Variants in SMURF2 observed in about 807,000 individuals in gnomAD.
SMURF2 encodes E3 ubiquitin-protein ligase SMURF2.
A neutral mutation model predicts 109.6 loss-of-function variants in SMURF2; 48 were observed. That is an observed-to-expected ratio of 0.44 (90% confidence interval 0.35 to 0.56). SMURF2 has a LOEUF of 0.56. SMURF2 is among the 20% of genes least tolerant of loss of function. The pLI is 0.01. For synonymous variants in SMURF2, 288 were observed against 317.1 expected, an observed-to-expected ratio of 0.91 and a Z score of 0.97; for missense variants, 575 against 909.0, an observed-to-expected ratio of 0.63 and a Z score of 4.72.
chr17:64,604,401 C>G (rs1203266509), intron 2 of SMURF2, among the ~76,000 whole-genome samples: 1 of 152,120 alleles, frequency 6.6e-6, no homozygotes, highest in East Asian at 1.9e-4. Flanking sequence ...CTTTCTTTCA[C>G]TTACAATTTA....
chr17:64,561,080 A>T (rs2144603519), intron 12 of SMURF2: 1 of 154,622 alleles, frequency 6.5e-6, no homozygotes, highest in South Asian at 2.0e-4. Flanking sequence ...GACCATCATG[A>T]TATGTACATG....
chr17:64,577,370 C>A (rs1231584128), intron 9 of SMURF2, among the ~76,000 whole-genome samples: 4 of 145,812 alleles, frequency 2.7e-5, no homozygotes, highest in East Asian at 2.0e-4. Flanking sequence ...CACTTGGACA[C>A]AAGAAGGGGA....
At chr17:64,563,733 G>A (rs1969259850) in intron 10 of SMURF2, among the ~76,000 whole-genome samples, 1 of 152,126 alleles carries the variant, frequency 6.6e-6, no homozygotes, top group East Asian at 1.9e-4. Flanking sequence ...AACACCAAAA[G>A]CACAATCCAT....
chr17:64,573,692 G>A (rs1426885445), intron 9 of SMURF2, among the ~76,000 whole-genome samples: 1 of 152,088 alleles, frequency 6.6e-6, no homozygotes, highest in Non-Finnish European at 1.5e-5. Context: ...AGCAAGACTG[G>A]GATAGGAAAC....
intron 6 of SMURF2, among the ~76,000 whole-genome samples, chr17:64,583,908 C>T (rs1555686819): frequency 6.6e-6 from 1 of 151,692 alleles, no homozygotes; most frequent in African/African-American, 2.4e-5. Flanking sequence ...CGTGATCCAC[C>T]CGCCTCGGCC....
chr17:64,631,267 AGAGAG>A (rs1555691550), intron 1 of SMURF2, among the ~76,000 whole-genome samples: 1 of 3,188 alleles, frequency 3.1e-4, no homozygotes, highest in African/African-American at 1.7e-3. Flanking sequence ...GGTGGGGGGG[AGAGAG>A]GGGGGGGGGG....
intron 1 of SMURF2, among the ~76,000 whole-genome samples, chr17:64,615,246 T>C (rs1970105824): frequency 6.6e-6 from 1 of 152,128 alleles, no homozygotes; most frequent in Non-Finnish European, 1.5e-5. Flanking sequence ...CACTGCTGAT[T>C]GGAATGAGAC....
chr17:64,603,811 T>C (rs577660079), intron 2 of SMURF2, among the ~76,000 whole-genome samples: 40 of 152,248 alleles, frequency 2.6e-4, no homozygotes, highest in African/African-American at 9.1e-4. Context: ...TCAACAAGGA[T>C]AGCGCCCAAT....
chr17:64,653,380 G>T (rs1369739005), intron 1 of SMURF2, among the ~76,000 whole-genome samples: 1 of 151,592 alleles, frequency 6.6e-6, no homozygotes, highest in African/African-American at 2.4e-5. Flanking sequence ...TAAAATCAAA[G>T]ACAGTATCAA....
chr17:64,551,828 A>C, intron 15 of SMURF2, 124 bp from the exon 16 acceptor site: 24 of 1,191,662 alleles, frequency 2.0e-5, no homozygotes, highest in Non-Finnish European at 2.7e-5. Flanking sequence ...GTTTAGCCTC[A>C]AGTCTAACAA....
chr17:64,546,673 T>C (rs1336293400), intron 17 of SMURF2, among the ~76,000 whole-genome samples: 2 of 152,140 alleles, frequency 1.3e-5, no homozygotes, highest in African/African-American at 2.4e-5. Context: ...GTAAAATACA[T>C]AGGCACACAT....
At chr17:64,591,334 A>G (rs1244524321) in intron 4 of SMURF2, among the ~76,000 whole-genome samples, 185 bp from the exon 5 acceptor site, 1 of 152,166 alleles carries the variant, frequency 6.6e-6, no homozygotes, top group African/African-American at 2.4e-5. Flanking sequence ...TCTCTCCAAA[A>G]CTTTTAGACC....
chr17:64,604,011 T>TA (rs1555688817), intron 2 of SMURF2, among the ~76,000 whole-genome samples: 2 of 152,346 alleles, frequency 1.3e-5, no homozygotes, highest in African/African-American at 4.8e-5. Flanking sequence ...TTACTATTAA[T>TA]AACTGCACTG....
chr17:64,630,570 A>G (rs1970324414), intron 1 of SMURF2, among the ~76,000 whole-genome samples: 1 of 152,148 alleles, frequency 6.6e-6, no homozygotes. Context: ...GTGAAACCTA[A>G]AACCTTATAT....
At chr17:64,576,967 G>T (rs1056044664) in intron 9 of SMURF2, among the ~76,000 whole-genome samples, 1 of 128,172 alleles carries the variant, frequency 7.8e-6, no homozygotes. Flanking sequence ...TGCAACTTCC[G>T]CCTCCCACTT....
intron 1 of SMURF2, among the ~76,000 whole-genome samples, chr17:64,608,379 A>G (rs1970001447): frequency 6.6e-6 from 1 of 152,216 alleles, no homozygotes; most frequent in Non-Finnish European, 1.5e-5. Flanking sequence ...TATACTAGGC[A>G]GAGTCCCTTA....
At chr17:64,566,928 T>C (rs1238493664) in intron 10 of SMURF2, among the ~76,000 whole-genome samples, 3 of 149,866 alleles carry the variant, frequency 2.0e-5, no homozygotes, top group African/African-American at 7.4e-5. Flanking sequence ...TGGAGTACAG[T>C]GGCGCGATCT....
chr17:64,560,159 G>A (rs1969191477), intron 12 of SMURF2, among the ~76,000 whole-genome samples: 1 of 151,888 alleles, frequency 6.6e-6, no homozygotes, highest in South Asian at 2.1e-4. Flanking sequence ...AAGCTGCAGT[G>A]AGCCATGATC....
intron 1 of SMURF2, among the ~76,000 whole-genome samples, chr17:64,636,587 G>A (rs1435653412): frequency 1.4e-5 from 2 of 139,504 alleles, no homozygotes; most frequent in African/African-American, 5.5e-5. Context: ...TGGACATCAG[G>A]GCCAGACTCT....
Sources: gnomAD v4.1 joint callset for allele counts (sites outside exome capture counted in the v4.1 genomes callset) on GRCh38, gnomAD v4.1.1 for gene constraint, MANE v1.5 for transcripts, NCBI Gene and HGNC (gene_info 2026-07-23, HGNC 2026-07-21) for gene names.